The following HIKESHI variants were observed in gnomAD, a reference collection of about 807,000 sequenced individuals.
HIKESHI encodes the protein protein Hikeshi.
Under a neutral mutation model 25.7 loss-of-function variants are expected in HIKESHI, and 13 were observed. The ratio of observed to expected loss-of-function variants is 0.51; its 90% CI spans 0.33 to 0.80. HIKESHI has a LOEUF of 0.80. HIKESHI is among the 30% of genes least tolerant of loss of function. The probability of loss-of-function intolerance (pLI) is 0.02; values close to 1 mark genes in which losing one functional copy is unlikely to be tolerated. For missense variants in HIKESHI, 174 were observed against 229.5 expected, an observed-to-expected ratio of 0.76 and a Z score of 1.56; for synonymous variants, 76 against 78.7, an observed-to-expected ratio of 0.97 and a Z score of 0.18.
chr11:86,322,779 T>C (rs1233461944), intron 2 of HIKESHI, among the ~76,000 whole-genome samples: 1 of 151,528 alleles, frequency 6.6e-6, no homozygotes, highest in Non-Finnish European at 1.5e-5. Flanking sequence ...TTAATATTTA[T>C]TGCAAGGAAT....
At chr11:86,311,588 T>C (rs1389542329) in intron 2 of HIKESHI, among the ~76,000 whole-genome samples, 1 of 152,206 alleles carries the variant, frequency 6.6e-6, no homozygotes, top group East Asian at 1.9e-4. Flanking sequence ...TAGCTATTTC[T>C]TGCCTTCTGC....
intron 1 of HIKESHI, chr11:86,303,533 G>A (rs1303414231): frequency 7.2e-6 from 2 of 278,082 alleles, no homozygotes; most frequent in Non-Finnish European, 1.1e-5. Flanking sequence ...TCAGACGAGT[G>A]AGTGTTATTA....
chr11:86,316,684 C>G (rs1946988363), intron 2 of HIKESHI, among the ~76,000 whole-genome samples: 1 of 147,170 alleles, frequency 6.8e-6, no homozygotes, highest in Admixed American at 7.0e-5. Context: ...CCAGAGAAAA[C>G]AGAGATTCCA....
At chr11:86,343,213 G>A (rs1392971422) in intron 3 of HIKESHI, among the ~76,000 whole-genome samples, 2 of 151,806 alleles carry the variant, frequency 1.3e-5, no homozygotes, top group Non-Finnish European at 2.9e-5. Flanking sequence ...TCTAGGTATT[G>A]GAGAAAATGC....
intron 2 of HIKESHI, among the ~76,000 whole-genome samples, chr11:86,306,746 C>G (rs1466512865): frequency 6.6e-6 from 1 of 151,676 alleles, no homozygotes; most frequent in Non-Finnish European, 1.5e-5. Context: ...ATTCCTGTAT[C>G]CCAGCACTTT....
At chr11:86,304,162 A>T (rs1297999817) in intron 1 of HIKESHI, among the ~76,000 whole-genome samples, 2 of 152,210 alleles carry the variant, frequency 1.3e-5, no homozygotes, top group African/African-American at 2.4e-5. Flanking sequence ...TTGTATCTTG[A>T]GACTTAATTT....
At chr11:86,340,143 T>C (rs541719593) in intron 3 of HIKESHI, among the ~76,000 whole-genome samples, 3 of 152,326 alleles carry the variant, frequency 2.0e-5, no homozygotes, top group Admixed American at 1.3e-4. Context: ...CTTAATCCAG[T>C]CTATCATTGG....
chr11:86,305,459 T>C (rs905467392), intron 1 of HIKESHI, among the ~76,000 whole-genome samples: 1 of 152,012 alleles, frequency 6.6e-6, no homozygotes, highest in Non-Finnish European at 1.5e-5. Context: ...CGATCTCAGC[T>C]CACCGCAACC....
At chr11:86,331,975 T>TTCTTG in intron 2 of HIKESHI, among the ~76,000 whole-genome samples, 4 of 147,972 alleles carry the variant, frequency 2.7e-5, no homozygotes, top group Non-Finnish European at 3.0e-5. Flanking sequence ...CATAACTGTT[T>TTCTTG]TCTTTTCTTT....
Position 86,340,706 on chromosome 11 carries a change from C to T in HIKESHI, c.420+3176C>T, listed in dbSNP as rs184403881. 3.9e-5 allele frequency among the ~76,000 whole-genome samples: 6 copies of T among 152,196 alleles called. No homozygotes were observed. The East Asian group carries it at 9.7e-4, about 25-fold the overall frequency. On this transcript the variant is annotated intron_variant, in intron 3 of 4. Transcript: ENST00000278483. ...TGTTGCCCAGGCTGGAGTGCAATGGCGTGATCTCGGCTCCTGCAACCTCTG... is the reference window on the plus strand; with the variant it reads ...TGTTGCCCAGGCTGGAGTGCAATGGTGTGATCTCGGCTCCTGCAACCTCTG...
chr11:86,337,595 A>G (rs760718848), intron 3 of HIKESHI, 65 bp downstream of exon 3: 20 of 1,469,410 alleles, frequency 1.4e-5, no homozygotes, highest in Non-Finnish European at 1.7e-5. Context: ...ATAATATACA[A>G]GTTAAAATCG....
Position 86,337,535 on chromosome 11 carries a change from T to G in HIKESHI, c.420+5T>G. 6.2e-7 allele frequency: 1 copy of G among 1,609,848 alleles called. No individual in the cohort carries two copies. The highest frequency in any genetic ancestry group is 1.1e-5 in the South Asian group (1 of 89,950). ...TCAGTTGACTCATTCACTCAGGTAA[T>G]GCAACATACATTTCATTCTTTACCT... On this transcript the variant is annotated splice_donor_5th_base_variant and intron_variant, in intron 3 of 4. Transcript: ENST00000278483.
At chr11:86,304,763 G>A (rs1339922650) in intron 1 of HIKESHI, among the ~76,000 whole-genome samples, 4 of 152,110 alleles carry the variant, frequency 2.6e-5, no homozygotes, top group East Asian at 1.9e-4. Context: ...TGATCAACCC[G>A]CCTTGGCCTC....
chr11:86,308,831 G>T (rs1946755887), intron 2 of HIKESHI, among the ~76,000 whole-genome samples: 1 of 151,870 alleles, frequency 6.6e-6, no homozygotes, highest in South Asian at 2.1e-4. Flanking sequence ...TTGGTTTTCT[G>T]TCCTTGCGAT....
In HIKESHI at chr11:86,303,308, T is replaced by C. The variant is rs565422920; in HGVS notation, c.30+830T>C. 17 of 686,188 alleles carry C rather than the reference T, an allele frequency of 2.5e-5. No homozygotes were observed. In the African/African-American group the frequency reaches 3.1e-4, roughly 13 times the overall value. The allele number at this position is 686,188 out of a possible 1,614,324, so 42.5% of individuals were successfully genotyped here. On this transcript the variant is annotated intron_variant, in intron 1 of 4. Coordinates refer to ENST00000278483, the MANE Select transcript of HIKESHI (RefSeq NM_016401.4). Reference sequence around the variant, plus strand: ...TTGCAGTCCCTTTGCTGAATTGTCTTTTTTTCCCATCAAGTTTTGATAATG... The same window carrying C: ...TTGCAGTCCCTTTGCTGAATTGTCTCTTTTTCCCATCAAGTTTTGATAATG...
At chr11:86,312,318 C>G (rs992360094) in intron 2 of HIKESHI, among the ~76,000 whole-genome samples, 7 of 152,094 alleles carry the variant, frequency 4.6e-5, no homozygotes, top group African/African-American at 1.7e-4. Flanking sequence ...TATGTAATGG[C>G]CTTCTTTGTC....
chr11:86,307,890 TAC>T (rs371721821), intron 2 of HIKESHI, among the ~76,000 whole-genome samples: 1 of 50,362 alleles, frequency 2.0e-5, no homozygotes, highest in Non-Finnish European at 3.7e-5. Flanking sequence ...ATGTGTAATA[TAC>T]AATATATAAA....
intron 3 of HIKESHI, among the ~76,000 whole-genome samples, chr11:86,342,508 T>C: frequency 1.2e-5 from 1 of 80,096 alleles, no homozygotes; most frequent in Non-Finnish European, 2.6e-5. Flanking sequence ...TGTGTGTGTG[T>C]GTGTGTGTGT....
chr11:86,304,513 T>C lies in HIKESHI; in HGVS notation c.31-1732T>C, dbSNP rs1442546467. Among the ~76,000 whole-genome samples, 9 of 92,508 alleles carry C rather than the reference T, an allele frequency of 9.7e-5. 1 individual carries two copies. The South Asian group carries it at 3.1e-3, about 32-fold the overall frequency. 60.7% of individuals were successfully genotyped at this position (92,508 alleles called of 152,430 possible). On this transcript the variant is annotated intron_variant, in intron 1 of 4. Transcript: ENST00000278483. ...CCAGTGTGTGAGTTGCACAACTCAC[T>C]TTTTTTTTTTTTTTTTTTTTTGAGA...
Sources: gnomAD v4.1 joint callset for allele counts (sites outside exome capture counted in the v4.1 genomes callset) on GRCh38, gnomAD v4.1.1 for gene constraint, MANE v1.5 for transcripts, NCBI Gene and HGNC (gene_info 2026-07-23, HGNC 2026-07-21) for gene names.